Variants in CCDC183 observed in about 807,000 individuals in gnomAD.
CCDC183 encodes coiled-coil domain-containing protein 183.
A neutral mutation model predicts 65.2 loss-of-function variants in CCDC183; 63 were observed. The observed-to-expected ratio is 0.97, with a 90% CI of 0.79 to 1.19. The LOEUF is 1.19. CCDC183 is among the 50% of genes most tolerant of loss of function. CCDC183 has a pLI of 0.00. For synonymous variants in CCDC183, 323 were observed against 276.5 expected, an observed-to-expected ratio of 1.17 and a Z score of -1.67; for missense variants, 769 against 689.3, an observed-to-expected ratio of 1.12 and a Z score of -1.30.
intron 13 of CCDC183, 177 bp from the exon 14 acceptor site, chr9:136,807,395 A>T: frequency 1.2e-6 from 1 of 825,488 alleles, no homozygotes; most frequent in Non-Finnish European, 1.8e-6. Context: ...GGGAAAGGCT[A>T]GGCAGGGCAG....
At chr9:136,801,305 C>T (rs2131130776) in intron 5 of CCDC183, among the ~76,000 whole-genome samples, 1 of 152,058 alleles carries the variant, frequency 6.6e-6, no homozygotes, top group Admixed American at 6.5e-5. Context: ...TCTATGCTTC[C>T]TGGGCCCACC....
At chr9:136,805,149 C>T (rs1266453942) in intron 8 of CCDC183, 5 of 597,896 alleles carry the variant, frequency 8.4e-6, no homozygotes, top group Non-Finnish European at 1.2e-5. Flanking sequence ...ACTCCGGGTC[C>T]ACCTCTGCTC....
chr9:136,796,406 GCA>G lies in CCDC183; in HGVS notation c.12_13del (p.His4GlnfsTer2). On this transcript the variant is annotated frameshift_variant, in exon 1 of 14. Coordinates refer to ENST00000338005, the MANE Select transcript of CCDC183 (RefSeq NM_001039374.5). LOFTEE classifies it high-confidence loss of function. MRRHSETDVEEQTQ... is the reference protein window; with the variant it reads MRRXSETDVEEQTQ... ...GGGGCCTGAGAGCAGCCATGAGGAG[GCA>G]CAGTGAGACAGATGTGGAAGAGCAG... is the stretch of plus-strand genomic sequence containing the variant. 6.3e-7 allele frequency: 1 copy of G among 1,584,750 alleles called. No homozygotes were observed.
chr9:136,807,621 C>A lies in CCDC183; in HGVS notation c.1536C>A (p.Ala512=), dbSNP rs769002537. The A allele has an allele frequency of 6.2e-7, 1 of 1,606,098 alleles. No individual in the cohort carries two copies. Among genetic ancestry groups the A allele is most frequent in the East Asian group, 2.3e-5 (1 of 44,212 alleles). The change falls in exon 14 of 14, where the codon GCC becomes GCA. Residue 512 remains alanine (A), a synonymous_variant. Transcript: ENST00000338005. ...ACCACAGCTACGTCCCTTCGCGCGCCGAGATCAAGAGGCAGGCGCAGCGGC... is the reference window on the plus strand; with the variant it reads ...ACCACAGCTACGTCCCTTCGCGCGCAGAGATCAAGAGGCAGGCGCAGCGGC... ...DMDHSYVPSR[A]EIKRQAQRLI...
rs190315463 is a variant in CCDC183, at chr9:136,803,475, G to A, written c.666+689G>A. Among the ~76,000 whole-genome samples, 22 of 152,260 alleles carry A rather than the reference G, an allele frequency of 1.4e-4. No homozygotes were observed. In the East Asian group the frequency reaches 1.7e-3, roughly 12 times the overall value. On this transcript the variant is annotated intron_variant, in intron 6 of 13. Coordinates refer to ENST00000338005, the MANE Select transcript of CCDC183 (RefSeq NM_001039374.5). ...GTAGAGGAGAGGGAGAGAACTGGCC[G>A]GGCCAGGGCGGGGGTCACCTATTCA... is the stretch of plus-strand genomic sequence containing the variant.
In CCDC183 at chr9:136,802,644, G is replaced by A. The variant is rs1847754392; in HGVS notation, c.544-20G>A. ...GCAGCCCACTCTGTAGGGGCCACAA[G>A]AGAACCCCATTCAACACAGGTGCTG... On this transcript the variant is annotated intron_variant, in intron 5 of 13. Coordinates refer to ENST00000338005, the MANE Select transcript of CCDC183 (RefSeq NM_001039374.5). 3.1e-6 allele frequency: 5 copies of A among 1,600,354 alleles called. No individual in the cohort carries two copies. Among genetic ancestry groups the A allele is most frequent in the Admixed American group, 1.7e-5 (1 of 57,484 alleles).
At position 136,806,360 on chromosome 9, in the gene CCDC183, G is replaced by T. The variant is rs1024841435; in HGVS notation, c.1109+122G>T. The T allele has an allele frequency of 6.0e-5, 83 of 1,381,212 alleles. 1 individual carries two copies. The Admixed American group carries it at 1.7e-3, about 29-fold the overall frequency. The allele number at this position is 1,381,212 out of a possible 1,614,324, so 85.6% of individuals were successfully genotyped here. The stretch of plus-strand genomic sequence containing the variant: ...ACAAGCCTGTGTGTCCCACAGAGGG[G>T]CCAGGGGACTCCACTTGCACACACC... On this transcript the variant is annotated intron_variant, in intron 10 of 13. Coordinates refer to ENST00000338005, the MANE Select transcript of CCDC183 (RefSeq NM_001039374.5).
In CCDC183 at chr9:136,800,043, G is replaced by T; in HGVS notation, c.312G>T (p.Val104=). 1.3e-6 allele frequency: 2 copies of T among 1,589,082 alleles called. No individual in the cohort carries two copies. Among genetic ancestry groups the T allele is most frequent in the East Asian group, 2.3e-5 (1 of 43,842 alleles). The change falls in exon 4 of 14, where the codon GTG becomes GTT. Residue 104 remains valine, a synonymous_variant. Transcript: ENST00000338005. ...EKLRKYVFDR[V]NMHNLLIHLV... is the part of the protein sequence containing the mutation. Reference sequence around the variant, plus strand: ...TGCGCAAGTACGTCTTCGACCGCGTGAACATGCACAACCTACTGATCCACC... The same window carrying T: ...TGCGCAAGTACGTCTTCGACCGCGTTAACATGCACAACCTACTGATCCACC...
rs764476364 is a variant in CCDC183 at position 136,805,442 on chromosome 9, G to T, written c.933G>T (p.Arg311=). 1 of 1,613,946 alleles carries T rather than the reference G, an allele frequency of 6.2e-7. No homozygotes were observed. Residue 311 remains arginine, a synonymous_variant, in exon 9 of 14, where the codon CGG becomes CGT. Coordinates refer to ENST00000338005, the MANE Select transcript of CCDC183 (RefSeq NM_001039374.5). ...AVVEKVKSAV[R]CSHVWDITSR... ...TGGAGAAGGTCAAGAGTGCTGTACG[G>T]TGCTCTCACGTCTGGGTAATGCCCC...
rs780821528 is a variant in CCDC183, at chr9:136,806,950, A to C, written c.1390-20A>C. On this transcript the variant is annotated intron_variant, in intron 12 of 13. Coordinates refer to ENST00000338005, the MANE Select transcript of CCDC183 (RefSeq NM_001039374.5). ...CCCGTTCAGAGTGTCTGCACGGCTG[A>C]AGGGGGCTTTGCCCTGCAGGGCGAC... 1.2e-6 allele frequency: 2 copies of C among 1,613,542 alleles called. No individual in the cohort carries two copies. Among genetic ancestry groups the C allele is most frequent in the East Asian group, 2.2e-5 (1 of 44,886 alleles).
rs1437697370 is a variant in CCDC183, at chr9:136,799,110, C to A, written c.79C>A (p.Arg27=). The change falls in exon 2 of 14, where the codon CGG becomes AGG. Residue 27 remains arginine, a synonymous_variant. Transcript: ENST00000338005. ...KTITQLQEQC[R]ALQIQGVKEN... is the part of the protein sequence containing the mutation. The stretch of plus-strand genomic sequence containing the variant: ...CCTCCACCTGCCCACAGAGCAGTGT[C>A]GGGCACTCCAGATCCAAGGGGTGAA... 3.7e-6 allele frequency: 6 copies of A among 1,613,186 alleles called. No homozygotes were observed. Among genetic ancestry groups the A allele is most frequent in the Non-Finnish European group, 4.2e-6 (5 of 1,179,776 alleles).
intron 2 of CCDC183, 193 bp downstream of exon 2, chr9:136,799,416 C>A: frequency 1.0e-6 from 1 of 968,380 alleles, no homozygotes; most frequent in Non-Finnish European, 1.5e-6. Context: ...GCAGGTTTCC[C>A]ACCACCCAAC....
intron 9 of CCDC183, 122 bp from the exon 10 acceptor site, chr9:136,805,956 T>C (rs961875187): frequency 7.1e-5 from 55 of 777,468 alleles, no homozygotes; most frequent in Non-Finnish European, 1.0e-4. Context: ...ATCACACTTG[T>C]GAATGAGCAC....
At chr9:136,805,837 G>A (rs1394181433) in intron 9 of CCDC183, among the ~76,000 whole-genome samples, 4 of 152,098 alleles carry the variant, frequency 2.6e-5, no homozygotes, top group African/African-American at 7.2e-5. Flanking sequence ...TCCACAAAGC[G>A]CTTCACCCCT....
chr9:136,801,516 G>A (rs1443871598), intron 5 of CCDC183, among the ~76,000 whole-genome samples: 1 of 151,986 alleles, frequency 6.6e-6, no homozygotes, highest in Admixed American at 6.5e-5. Context: ...GACCAGCCTG[G>A]CCAACATGGT....
chr9:136,804,415 G>C lies in CCDC183; in HGVS notation c.667-87G>C. On this transcript the variant is annotated intron_variant, in intron 6 of 13. Transcript: ENST00000338005. The surrounding 1 kb of genome is among the most constrained non-coding windows in gnomAD (Gnocchi z 4.1). ...GCAGTTCCAAAGTCTAGTAAGGTGAGCATGGCCAACCGCCCGCTGGCTTTA... is the reference window on the plus strand; with the variant it reads ...GCAGTTCCAAAGTCTAGTAAGGTGACCATGGCCAACCGCCCGCTGGCTTTA... The C allele has an allele frequency of 1.3e-6, 2 of 1,503,260 alleles. No individual in the cohort carries two copies. Among genetic ancestry groups the C allele is most frequent in the Non-Finnish European group, 1.8e-6 (2 of 1,123,088 alleles). 93.1% of individuals were successfully genotyped at this position (1,503,260 alleles called of 1,614,324 possible). A position where few individuals can be genotyped will look rare whatever the true frequency, so the allele number is the denominator to read the frequency against.
Position 136,807,023 on chromosome 9 carries a change from C to A in CCDC183, c.1443C>A (p.Tyr481Ter), listed in dbSNP as rs1270383575. 6.2e-7 allele frequency: 1 copy of A among 1,613,596 alleles called. No homozygotes were observed. The highest frequency in any genetic ancestry group is 1.3e-5 in the African/African-American group (1 of 75,034). The change falls in exon 13 of 14, where the codon TAC becomes TAA. Residue 481 changes from tyrosine to a stop codon, truncating the protein, a stop_gained. Transcript: ENST00000338005. LOFTEE classifies it high-confidence loss of function. The part of the protein sequence containing the change: ...TLESSTLMEK[Y>*]NTRISFENRE... ...AGTCCTCGACTCTGATGGAGAAGTA[C>A]AACACCAGGATCAGCTTTGAGAACC...
intron 6 of CCDC183, 88 bp downstream of exon 6, chr9:136,802,874 C>T (rs1847761099): frequency 5.8e-6 from 2 of 342,588 alleles, no homozygotes; most frequent in African/African-American, 6.5e-5. Flanking sequence ...GGGCCCAGGG[C>T]TGGGGGCCCC....
Position 136,804,388 on chromosome 9 carries a change from A to T in CCDC183, c.667-114A>T, listed in dbSNP as rs1847804791. 2.9e-6 allele frequency: 4 copies of T among 1,387,740 alleles called. No individual in the cohort carries two copies. The South Asian group carries it at 5.6e-5, about 19-fold the overall frequency. 86.0% of individuals were successfully genotyped at this position (1,387,740 alleles called of 1,614,324 possible). A position where few individuals can be genotyped will look rare whatever the true frequency, so the allele number is the denominator to read the frequency against. ...AAAAGGGTGTGGCCATTGGCCGGGGATGCAGTTCCAAAGTCTAGTAAGGTG... is the reference window on the plus strand; with the variant it reads ...AAAAGGGTGTGGCCATTGGCCGGGGTTGCAGTTCCAAAGTCTAGTAAGGTG... On this transcript the variant is annotated intron_variant, in intron 6 of 13. Coordinates refer to ENST00000338005, the MANE Select transcript of CCDC183 (RefSeq NM_001039374.5). This position sits in a 1 kb window ranked among gnomAD's most constrained non-coding sequence, Gnocchi z 4.1.
Sources: allele counts gnomAD v4.1 joint callset (sites outside exome capture counted in the v4.1 genomes callset), GRCh38; gene constraint gnomAD v4.1.1; non-coding constraint Gnocchi (gnomAD v3.1); transcripts MANE v1.5; gene names NCBI Gene and HGNC (gene_info 2026-07-23, HGNC 2026-07-21).